Variants in SHPRH observed in about 807,000 individuals in gnomAD.
SHPRH encodes E3 ubiquitin-protein ligase SHPRH.
A neutral mutation model predicts 202.5 loss-of-function variants in SHPRH; 106 were observed. The ratio of observed to expected loss-of-function variants is 0.52; its 90% CI spans 0.45 to 0.62. The LOEUF (loss-of-function observed/expected upper bound fraction) is 0.62. Among genes scored for constraint, SHPRH ranks in the 20% least tolerant of loss-of-function variants. SHPRH has a pLI of 0.00. For synonymous variants in SHPRH, 729 were observed against 686.0 expected (o/e 1.06, Z -0.98); for missense variants, 1,710 against 2,020.0 (o/e 0.85, Z 2.94).
intron 11 of SHPRH, among the ~76,000 whole-genome samples, chr6:145,937,579 C>T (rs935678015): frequency 2.0e-5 from 3 of 152,120 alleles, no homozygotes; most frequent in African/African-American, 7.2e-5. Flanking sequence ...CACAAAATGA[C>T]CCCCAACCAC....
In SHPRH at chr6:145,945,405, A is replaced by ATC; in HGVS notation, c.1552_1553dup (p.Asp518GlufsTer12). ...CCTGCTTTTTTGTTTTATCACATAT[A>ATC]TCCTCTTCCTTGTAATTCTTTCCCA... On this transcript the variant is annotated frameshift_variant, in exon 8 of 30. Coordinates refer to ENST00000275233, the MANE Select transcript of SHPRH (RefSeq NM_001042683.3). LOFTEE classifies it high-confidence loss of function. 1 of 1,612,424 alleles carries ATC rather than the reference A, an allele frequency of 6.2e-7. No individual in the cohort carries two copies. Among genetic ancestry groups the ATC allele is most frequent in the South Asian group, 1.1e-5 (1 of 91,010 alleles).
chr6:145,921,148 A>C lies in SHPRH; in HGVS notation c.4008+19T>G. 1 of 1,578,516 alleles carries C rather than the reference A, an allele frequency of 6.3e-7. No individual in the cohort carries two copies. The highest frequency in any genetic ancestry group is 8.6e-7 in the Non-Finnish European group (1 of 1,158,668). ...AAGAAGAATTTTTAATTTTGGAAGGAAGTTTTAAAATACTATACCTTATAT... is the reference window on the plus strand; with the variant it reads ...AAGAAGAATTTTTAATTTTGGAAGGCAGTTTTAAAATACTATACCTTATAT... On this transcript the variant is annotated intron_variant, in intron 21 of 29. Coordinates refer to ENST00000275233, the MANE Select transcript of SHPRH (RefSeq NM_001042683.3).
At chr6:145,887,529 G>GTTTTTTTTT (rs200904161) in intron 29 of SHPRH, among the ~76,000 whole-genome samples, 2 of 130,134 alleles carry the variant, frequency 1.5e-5, no homozygotes, top group Non-Finnish European at 3.3e-5. Flanking sequence ...ACCTTAACAA[G>GTTTTTTTTT]TTTGTTTTTT....
Position 145,961,915 on chromosome 6 carries a change from T to C in SHPRH, c.-33+1816A>G, listed in dbSNP as rs571154892. Among the ~76,000 whole-genome samples the C allele has an allele frequency of 2.0e-5, 3 of 152,368 alleles. No individual in the cohort carries two copies. The East Asian group carries it at 5.8e-4, about 29-fold the overall frequency. The stretch of plus-strand genomic sequence containing the variant: ...AATAGTATTTGGTCAAATATACTTA[T>C]GACTAAAATGCAATTTGGCAACTAG... On this transcript the variant is annotated intron_variant, in intron 1 of 29. Coordinates refer to ENST00000275233, the MANE Select transcript of SHPRH (RefSeq NM_001042683.3).
intron 6 of SHPRH, among the ~76,000 whole-genome samples, chr6:145,946,941 T>G (rs1787448950): frequency 6.6e-6 from 1 of 151,990 alleles, no homozygotes. Context: ...CTAGAAAATA[T>G]GAGCTATATA....
At position 145,955,058 on chromosome 6, in the gene SHPRH, C is replaced by G; in HGVS notation, c.265G>C (p.Val89Leu). ...ACAGACAAAGGGGAAAAAATACCAA[C>G]AGTCTCTTCTTTTTCAATTGGTTTT... is the stretch of plus-strand genomic sequence containing the variant. ...FSKPIEKEET[V>L]GIFSPLSVKL... The change falls in exon 2 of 30, where the codon GTT becomes CTT. Residue 89 changes from valine to leucine, a missense_variant. By Grantham distance (32) the Val-to-Leu change is conservative. Coordinates refer to ENST00000275233, the MANE Select transcript of SHPRH (RefSeq NM_001042683.3). 1 of 1,613,248 alleles carries G rather than the reference C, an allele frequency of 6.2e-7. No individual in the cohort carries two copies.
intron 25 of SHPRH, among the ~76,000 whole-genome samples, chr6:145,895,738 C>G (rs531490138): frequency 6.6e-6 from 1 of 152,044 alleles, no homozygotes; most frequent in Admixed American, 6.6e-5. Flanking sequence ...TTGAATGAGA[C>G]AAATTTAAGT....
intron 7 of SHPRH, 143 bp from the exon 8 acceptor site, chr6:145,945,780 A>C (rs1787308022): frequency 1.3e-6 from 1 of 774,338 alleles, no homozygotes; most frequent in Non-Finnish European, 1.9e-6. Flanking sequence ...CATTTTGAAA[A>C]AATATGTAAT....
intron 1 of SHPRH, among the ~76,000 whole-genome samples, chr6:145,956,429 A>T (rs1048073149): frequency 9.9e-5 from 15 of 152,126 alleles, no homozygotes; most frequent in Non-Finnish European, 4.4e-5. Flanking sequence ...TCTCTGGTTT[A>T]GACACTGCTC....
At chr6:145,941,959 T>C in intron 9 of SHPRH, 85 bp from the exon 10 acceptor site, 1 of 1,492,866 alleles carries the variant, frequency 6.7e-7, no homozygotes, top group Non-Finnish European at 9.0e-7. Context: ...CCTTACTAAG[T>C]CCTCTCTATT....
intron 4 of SHPRH, among the ~76,000 whole-genome samples, chr6:145,949,277 C>T (rs983939229): frequency 1.3e-5 from 2 of 151,910 alleles, no homozygotes; most frequent in Non-Finnish European, 2.9e-5. Context: ...TATTGAAGTA[C>T]AAATTCACAA....
At chr6:145,908,685 A>C (rs1390721021) in intron 25 of SHPRH, 3 of 151,732 alleles carry the variant, frequency 2.0e-5, no homozygotes, top group African/African-American at 7.3e-5. Context: ...GATTGCAAAA[A>C]TTTTCTCCCG....
At chr6:145,960,970 G>A (rs933334677) in intron 1 of SHPRH, among the ~76,000 whole-genome samples, 1 of 151,842 alleles carries the variant, frequency 6.6e-6, no homozygotes, top group Non-Finnish European at 1.5e-5. Flanking sequence ...TAGATCCTGC[G>A]CATATGCAGT....
At chr6:145,897,326 A>G (rs970087640) in intron 25 of SHPRH, among the ~76,000 whole-genome samples, 2 of 152,100 alleles carry the variant, frequency 1.3e-5, no homozygotes, top group African/African-American at 4.8e-5. Context: ...CAATCTACCA[A>G]GACTGAATCA....
intron 14 of SHPRH, among the ~76,000 whole-genome samples, chr6:145,929,100 T>C (rs1785171300): frequency 6.6e-6 from 1 of 151,996 alleles, no homozygotes; most frequent in Non-Finnish European, 1.5e-5. Context: ...AGCTGAATTT[T>C]ATCTATTCGT....
chr6:145,871,971 TGCTGGGAGAACTA>T (rs1780076835), intron 2 of SHPRH, among the ~76,000 whole-genome samples: 1 of 152,294 alleles, frequency 6.6e-6, no homozygotes, highest in African/African-American at 2.4e-5. Flanking sequence ...TAATAAATGG[TGCTGGGAGAACTA>T]GCTAGCCATA....
intron 18 of SHPRH, among the ~76,000 whole-genome samples, chr6:145,923,379 T>A (rs960834897): frequency 4.0e-5 from 6 of 151,860 alleles, no homozygotes; most frequent in African/African-American, 9.7e-5. Context: ...ACTAATGTGC[T>A]CACATTATGA....
chr6:145,878,345 G>C (rs189897005), intron 2 of SHPRH, among the ~76,000 whole-genome samples: 1 of 152,156 alleles, frequency 6.6e-6, no homozygotes, highest in East Asian at 1.9e-4. Flanking sequence ...TCCATTTTTG[G>C]TGTTGTACAT....
chr6:145,896,116 G>A (rs1431349323), intron 25 of SHPRH, among the ~76,000 whole-genome samples: 1 of 151,914 alleles, frequency 6.6e-6, no homozygotes, highest in Non-Finnish European at 1.5e-5. Flanking sequence ...AAGAAAGAAA[G>A]CTGTACTAAT....
Sources: allele counts gnomAD v4.1 joint callset (sites outside exome capture counted in the v4.1 genomes callset), GRCh38; gene constraint gnomAD v4.1.1; transcripts MANE v1.5; gene names NCBI Gene and HGNC (gene_info 2026-07-23, HGNC 2026-07-21).